The following EML1 variants were observed in gnomAD, a reference collection of about 807,000 sequenced individuals.
The protein encoded by EML1 is EMAP like 1.
A neutral mutation model predicts 110.4 loss-of-function variants in EML1; 27 were observed. The ratio of observed to expected loss-of-function variants is 0.24; its 90% CI spans 0.18 to 0.34. EML1 has a LOEUF of 0.34. EML1 is among the 10% of genes least tolerant of loss of function. The pLI is 1.00. For synonymous variants in EML1, 344 were observed against 385.8 expected, an observed-to-expected ratio of 0.89 and a Z score of 1.27; for missense variants, 741 against 1,030.9, an observed-to-expected ratio of 0.72 and a Z score of 3.85.
At position 99,781,770 on chromosome 14, in the gene EML1, G is replaced by A. The variant is rs1329624312; in HGVS notation, c.-27+7757G>A. Among the ~76,000 whole-genome samples the A allele has an allele frequency of 6.6e-6, 1 of 152,168 alleles. No individual in the cohort carries two copies. The highest frequency in any genetic ancestry group is 1.5e-5 in the Non-Finnish European group (1 of 68,036). ...CCCTGTCCCCTCTTTGACATTAACA[G>A]AGCTGGATGTCTCATCAGTTTCCAG... is the stretch of plus-strand genomic sequence containing the variant. On this transcript the variant is annotated intron_variant, in intron 1 of 22. Transcript: ENST00000327921. This position sits in a 1 kb window ranked among gnomAD's most constrained non-coding sequence, Gnocchi z 4.2.
intron 1 of EML1, among the ~76,000 whole-genome samples, chr14:99,761,333 A>G (rs1344826775): frequency 3.3e-5 from 5 of 152,120 alleles, no homozygotes; most frequent in African/African-American, 4.8e-5. Flanking sequence ...TAGGGACCCT[A>G]TTAATATTTG....
chr14:99,798,409 T>C (rs1008904704), intron 1 of EML1, among the ~76,000 whole-genome samples: 4 of 151,062 alleles, frequency 2.6e-5, no homozygotes, highest in Admixed American at 6.6e-5. Flanking sequence ...TTTTTTTTTT[T>C]CGAGACAGAG....
At chr14:99,795,978 G>C (rs1386918059) in intron 1 of EML1, among the ~76,000 whole-genome samples, 2 of 152,112 alleles carry the variant, frequency 1.3e-5, no homozygotes, top group African/African-American at 2.4e-5. Context: ...TTGCAGCCAA[G>C]AGTTTGAGAG....
chr14:99,820,956 T>C (rs2058251294), intron 1 of EML1, among the ~76,000 whole-genome samples: 1 of 151,982 alleles, frequency 6.6e-6, no homozygotes, highest in South Asian at 2.1e-4. Context: ...CCCAATTGCA[T>C]TTGAAGGTTC....
chr14:99,795,740 G>A (rs781365807), intron 1 of EML1, among the ~76,000 whole-genome samples: 1 of 152,154 alleles, frequency 6.6e-6, no homozygotes, highest in Non-Finnish European at 1.5e-5. Flanking sequence ...CTTTTTAAAT[G>A]AGAGACTTAC....
upstream of EML1, among the ~76,000 whole-genome samples, chr14:99,772,290 G>A (rs550734838): frequency 3.9e-5 from 6 of 152,336 alleles, no homozygotes; most frequent in African/African-American, 7.2e-5. Context: ...GTGTTTGGGC[G>A]CCAGCCAGAG....
chr14:99,805,793 T>C (rs547260798), intron 1 of EML1, among the ~76,000 whole-genome samples: 1 of 151,716 alleles, frequency 6.6e-6, no homozygotes, highest in East Asian at 1.9e-4. Flanking sequence ...CCTTTTTTTT[T>C]CAAAAAAAAA....
intron 8 of EML1, among the ~76,000 whole-genome samples, chr14:99,900,685 G>C (rs2059749172): frequency 6.6e-6 from 1 of 152,088 alleles, no homozygotes. Context: ...GTCAAAAATT[G>C]GCCATTCAAA....
intron 1 of EML1, among the ~76,000 whole-genome samples, chr14:99,783,046 G>A (rs2057558865): frequency 6.6e-6 from 1 of 151,822 alleles, no homozygotes; most frequent in African/African-American, 2.4e-5. Flanking sequence ...ACAACATGAA[G>A]GTTTATTACA....
At chr14:99,864,232 C>T (rs925300346) in intron 2 of EML1, among the ~76,000 whole-genome samples, 1 of 152,064 alleles carries the variant, frequency 6.6e-6, no homozygotes, top group African/African-American at 2.4e-5. Context: ...TTTTATGTTC[C>T]TTATACAAGT....
At chr14:99,917,688 T>G in intron 15 of EML1, 94 bp from the exon 16 acceptor site, 49 of 1,198,696 alleles carry the variant, frequency 4.1e-5, no homozygotes, top group Middle Eastern at 1.9e-4. Flanking sequence ...ATTAGAAGTG[T>G]GAGCGTTTGT....
chr14:99,928,421 T>C (rs2060306676), intron 17 of EML1, among the ~76,000 whole-genome samples: 1 of 152,050 alleles, frequency 6.6e-6, no homozygotes, highest in Non-Finnish European at 1.5e-5. Context: ...CTTGTATACA[T>C]TTCTTACCTA....
At chr14:99,862,794 A>C (rs2059023126) in intron 2 of EML1, among the ~76,000 whole-genome samples, 1 of 152,134 alleles carries the variant, frequency 6.6e-6, no homozygotes, top group African/African-American at 2.4e-5. Flanking sequence ...CCCCAGCCGT[A>C]CGTGCTGCTG....
chr14:99,850,168 C>T (rs1019518541), intron 1 of EML1: 11 of 581,420 alleles, frequency 1.9e-5, no homozygotes, highest in African/African-American at 1.3e-4. Flanking sequence ...CAAACTCCTG[C>T]GCTCAAGCAG....
intron 5 of EML1, among the ~76,000 whole-genome samples, chr14:99,894,256 C>T (rs1414480506): frequency 1.3e-5 from 2 of 152,206 alleles, no homozygotes; most frequent in East Asian, 3.9e-4. Flanking sequence ...ATACATTGAA[C>T]TCAAAAACTT....
At chr14:99,818,175 A>G (rs1036275283) in intron 1 of EML1, among the ~76,000 whole-genome samples, 1 of 152,118 alleles carries the variant, frequency 6.6e-6, no homozygotes, top group Non-Finnish European at 1.5e-5. Context: ...CCCAAAGACA[A>G]TGGAGATCCA....
chr14:99,933,283 C>G (rs764968808), intron 17 of EML1, among the ~76,000 whole-genome samples: 5 of 152,176 alleles, frequency 3.3e-5, no homozygotes, highest in African/African-American at 4.8e-5. Flanking sequence ...TCAAGTGATT[C>G]TCCAGCCTTA....
intron 1 of EML1, among the ~76,000 whole-genome samples, chr14:99,744,737 A>G (rs534867798): frequency 6.6e-6 from 1 of 152,356 alleles, no homozygotes; most frequent in South Asian, 2.1e-4. Flanking sequence ...TAAAGCACGA[A>G]AATAAATTTC....
At chr14:99,809,557 T>C (rs1244244565) in intron 1 of EML1, 8 of 443,366 alleles carry the variant, frequency 1.8e-5, no homozygotes, top group Admixed American at 1.7e-4. Flanking sequence ...CACTGCCAGC[T>C]TTCTGGGTCC....
Sources: allele counts gnomAD v4.1 joint callset (sites outside exome capture counted in the v4.1 genomes callset), GRCh38; gene constraint gnomAD v4.1.1; non-coding constraint Gnocchi (gnomAD v3.1); transcripts MANE v1.5; gene names NCBI Gene and HGNC (gene_info 2026-07-23, HGNC 2026-07-21).